RTCA: variants seen among roughly 807,000 people sequenced by gnomAD.
RTCA encodes the protein RNA terminal phosphate cyclase domain 1.
RTCA carries 37 observed loss-of-function variants against 46.1 expected under a neutral mutation model. The observed-to-expected ratio is 0.80, with a 90% CI of 0.62 to 1.06. The LOEUF is 1.06. Ranked by LOEUF, RTCA falls within the 50% of genes least tolerant of loss-of-function variation. The pLI is 0.00. For synonymous variants in RTCA, 164 were observed against 158.3 expected, an observed-to-expected ratio of 1.04 and a Z score of -0.27; for missense variants, 435 against 455.5, an observed-to-expected ratio of 0.95 and a Z score of 0.41.
Position 100,277,261 on chromosome 1 carries a change from T to G in RTCA, c.744T>G (p.Ile248Met), listed in dbSNP as rs1666443328. ...AATAACTTTTTTTCTTGCATAGAAT[T>G]ATTGCTGAGACCTCCACTGGCTGTT... ...QAFGNGNGII[I>M]IAETSTGCLF... is the part of the protein sequence containing the mutation. The change falls in exon 8 of 11, where the codon ATT (isoleucine) becomes ATG (methionine). Residue 248 changes from isoleucine to methionine, a missense_variant. Ile to Met is a conservative substitution (Grantham distance 10, BLOSUM62 1). Coordinates refer to ENST00000370128, the MANE Select transcript of RTCA (RefSeq NM_003729.4). 6.2e-7 allele frequency: 1 copy of G among 1,613,106 alleles called. No individual in the cohort carries two copies.
intron 2 of RTCA, 185 bp downstream of exon 2, chr1:100,266,809 G>A (rs978610210): frequency 2.3e-4 from 135 of 584,868 alleles, no homozygotes; most frequent in Non-Finnish European, 2.8e-4. Context: ...AAAGCCTGGA[G>A]GGGTGAGTTT....
At position 100,273,842 on chromosome 1, in the gene RTCA, T is replaced by C. The variant is rs183365520; in HGVS notation, c.473+390T>C. On this transcript the variant is annotated intron_variant, in intron 5 of 10. Coordinates refer to ENST00000370128, the MANE Select transcript of RTCA (RefSeq NM_003729.4). ...GTTTTCCTAAGAAACACATTGGGCA[T>C]TCAGGTTATTTCTCTTTAAGGCTTC... 1.5e-3 allele frequency among the ~76,000 whole-genome samples: 231 copies of C among 152,324 alleles called. 2 individuals are homozygous for C. The highest frequency in any genetic ancestry group is 5.2e-3 in the African/African-American group (217 of 41,578).
intron 4 of RTCA, 68 bp from the exon 5 acceptor site, chr1:100,273,326 T>G (rs1666200440): frequency 3.8e-6 from 4 of 1,059,872 alleles, no homozygotes; most frequent in Non-Finnish European, 5.5e-6. Flanking sequence ...CGCTTTTGTT[T>G]AATAAATACA....
intron 2 of RTCA, 66 bp downstream of exon 2, chr1:100,266,690 T>C: frequency 1.4e-6 from 2 of 1,387,626 alleles, no homozygotes; most frequent in Admixed American, 2.0e-5. Context: ...GCTGCCGGGC[T>C]GGGGCATCGG....
In RTCA at chr1:100,274,827, A is replaced by C. The variant is rs750553615; in HGVS notation, c.477A>C (p.Gly159=). ...GCATTTGTTATACTTTTCATAGGGGATATTACCCAAAAGGGGGTGGTGAAG... is the reference window on the plus strand; with the variant it reads ...GCATTTGTTATACTTTTCATAGGGGCTATTACCCAAAAGGGGGTGGTGAAG... ...FIFNCDIKTR[G]YYPKGGGEVI... The change falls in exon 6 of 11, where the codon GGA becomes GGC. Residue 159 remains glycine (G), a synonymous_variant. Coordinates refer to ENST00000370128, the MANE Select transcript of RTCA (RefSeq NM_003729.4). 3 of 1,609,936 alleles carry C rather than the reference A, an allele frequency of 1.9e-6. No individual in the cohort carries two copies. The South Asian group carries it at 3.3e-5, about 18-fold the overall frequency.
intron 2 of RTCA, chr1:100,267,642 T>C: frequency 8.3e-7 from 1 of 1,202,562 alleles, no homozygotes; most frequent in East Asian, 2.9e-5. Context: ...AGCGTCTCTG[T>C]ATGTTCTAGT....
chr1:100,286,454 CAA>C (rs754851046), intron 9 of RTCA, among the ~76,000 whole-genome samples: 2 of 45,344 alleles, frequency 4.4e-5, no homozygotes, highest in South Asian at 8.4e-4. Flanking sequence ...GACTCCGTCT[CAA>C]AAAAAAAAAA....
intron 7 of RTCA, 122 bp downstream of exon 7, chr1:100,275,845 T>G: frequency 2.3e-6 from 2 of 872,590 alleles, no homozygotes; most frequent in Non-Finnish European, 1.6e-6. Context: ...ATTTATTTAT[T>G]TATTTATTGA....
At chr1:100,283,947 AAAGAAAAAAC>A (rs71084816) in intron 8 of RTCA, among the ~76,000 whole-genome samples, 42,342 of 94,148 alleles carry the variant, frequency 0.45, 11,107 homozygotes, top group East Asian at 0.64. Context: ...AAAAAAAAAA[AAAGAAAAAAC>A]AAGAAAAAAC....
intron 8 of RTCA, among the ~76,000 whole-genome samples, chr1:100,278,144 T>A (rs962790765): frequency 6.6e-6 from 1 of 152,198 alleles, no homozygotes; most frequent in African/African-American, 2.4e-5. Context: ...GCCATGAAAG[T>A]TCCTTTTACC....
At chr1:100,268,500 G>A (rs1665907473) in intron 3 of RTCA, among the ~76,000 whole-genome samples, 2 of 151,806 alleles carry the variant, frequency 1.3e-5, no homozygotes, top group African/African-American at 2.4e-5. Flanking sequence ...GGCCCAACAG[G>A]TCCTCCCACC....
chr1:100,267,972 A>G (rs1665879874), intron 2 of RTCA, 180 bp from the exon 3 acceptor site: 1 of 694,478 alleles, frequency 1.4e-6, no homozygotes, highest in East Asian at 2.7e-5. Flanking sequence ...AAAATGATAC[A>G]TACTAGCAGG....
chr1:100,291,704 G>C lies in RTCA; in HGVS notation c.*200G>C. On this transcript the variant is annotated 3_prime_UTR_variant, in exon 11 of 11. Transcript: ENST00000370128. ...CTGAGAGATGGACAATGAAATATCA[G>C]TTGGTGGATATGTGTGATAGCTGAT... The C allele has an allele frequency of 2.8e-6, 1 of 358,906 alleles. No individual in the cohort carries two copies. The highest frequency in any genetic ancestry group is 5.0e-6 in the Non-Finnish European group (1 of 200,152). The allele number at this position is 358,906 out of a possible 1,614,324, so 22.2% of individuals were successfully genotyped here. A position where few individuals can be genotyped will look rare whatever the true frequency, so the allele number is the denominator to read the frequency against.
intron 3 of RTCA, 92 bp downstream of exon 3, chr1:100,268,387 G>C: frequency 1.0e-6 from 1 of 1,004,986 alleles, no homozygotes; most frequent in Non-Finnish European, 1.4e-6. Context: ...CTATGAGCTT[G>C]TTTCCCTACT....
rs1202143831 is a variant in RTCA at position 100,266,384 on chromosome 1, G to A, written c.9G>A (p.Gly3=). ...GCCCCAGGGTGTCCCCCATGGCGGGGCCGCGGGTGGAGGTCGATGGCAGCA... is the reference window on the plus strand; with the variant it reads ...GCCCCAGGGTGTCCCCCATGGCGGGACCGCGGGTGGAGGTCGATGGCAGCA... MA[G]PRVEVDGSIM... The change falls in exon 1 of 11, where the codon GGG becomes GGA. Residue 3 remains glycine, a synonymous_variant. Transcript: ENST00000370128. 1.9e-6 allele frequency: 3 copies of A among 1,611,798 alleles called. No homozygotes were observed. Among genetic ancestry groups the A allele is most frequent in the Non-Finnish European group, 2.5e-6 (3 of 1,179,292 alleles).
intron 8 of RTCA, among the ~76,000 whole-genome samples, chr1:100,283,444 G>A (rs1241406436): frequency 6.6e-6 from 1 of 152,038 alleles, no homozygotes; most frequent in Admixed American, 6.6e-5. Context: ...TTATAGGCAT[G>A]AGCCACCATG....
intron 9 of RTCA, among the ~76,000 whole-genome samples, chr1:100,286,070 C>T (rs1667005687): frequency 6.6e-6 from 1 of 152,142 alleles, no homozygotes; most frequent in Non-Finnish European, 1.5e-5. Context: ...AATTTATATC[C>T]GAAGCCCAGG....
intron 2 of RTCA, chr1:100,267,931 G>T: frequency 1.7e-6 from 1 of 582,542 alleles, no homozygotes; most frequent in South Asian, 2.4e-5. Context: ...TGTATTTATA[G>T]TCAGAAATAA....
At chr1:100,278,622 TA>T (rs1666529763) in intron 8 of RTCA, among the ~76,000 whole-genome samples, 1 of 152,124 alleles carries the variant, frequency 6.6e-6, no homozygotes, top group Non-Finnish European at 1.5e-5. Context: ...AATAAACAAA[TA>T]AAAATGTTTA....
Sources: allele counts gnomAD v4.1 joint callset (sites outside exome capture counted in the v4.1 genomes callset), GRCh38; gene constraint gnomAD v4.1.1; transcripts MANE v1.5; gene names NCBI Gene and HGNC (gene_info 2026-07-23, HGNC 2026-07-21).